The following FBXL7 variants were observed in gnomAD, a reference collection of about 807,000 sequenced individuals.
FBXL7 encodes the protein F-box/LRR-repeat protein 7.
Under a neutral mutation model 38.3 loss-of-function variants are expected in FBXL7, and 12 were observed. The observed-to-expected ratio is 0.31, with a 90% CI of 0.20 to 0.51. The LOEUF (loss-of-function observed/expected upper bound fraction) is 0.51. FBXL7 is among the 20% of genes least tolerant of loss of function. FBXL7 has a pLI of 0.98. For missense variants in FBXL7, 567 were observed against 676.4 expected, an observed-to-expected ratio of 0.84 and a Z score of 1.79; for synonymous variants, 297 against 300.9, an observed-to-expected ratio of 0.99 and a Z score of 0.13.
chr5:15,918,049 G>A (rs1406675808), intron 2 of FBXL7, among the ~76,000 whole-genome samples: 2 of 152,170 alleles, frequency 1.3e-5, no homozygotes, highest in Non-Finnish European at 2.9e-5. Flanking sequence ...AGCCAGCCTG[G>A]CCAACATGGT....
At chr5:15,789,395 G>C (rs577565164) in intron 2 of FBXL7, among the ~76,000 whole-genome samples, 3 of 152,066 alleles carry the variant, frequency 2.0e-5, no homozygotes, top group Admixed American at 6.6e-5. Context: ...GACTATTACC[G>C]TGTCTAACCT....
intron 2 of FBXL7, among the ~76,000 whole-genome samples, chr5:15,818,731 TGTGTGTGTGTGTGA>T (rs1204397805): frequency 0.012 from 1,127 of 91,920 alleles, 14 homozygotes; most frequent in African/African-American, 0.037. Context: ...TGTGTGTGTG[TGTGTGTGTGTGTGA>T]GAGAGAGAGA....
intron 1 of FBXL7, among the ~76,000 whole-genome samples, chr5:15,541,537 ACTC>A (rs1737754154): frequency 1.4e-5 from 1 of 71,192 alleles, no homozygotes; most frequent in African/African-American, 5.7e-5. Flanking sequence ...ATTCCCACTC[ACTC>A]CTCTTTTTTT....
In FBXL7 at chr5:15,664,722, A is replaced by G. The variant is rs150520443; in HGVS notation, c.127+48650A>G. Among the ~76,000 whole-genome samples, 1,255 of 151,888 alleles carry G rather than the reference A, an allele frequency of 8.3e-3. 6 individuals are homozygous for G. Among genetic ancestry groups the G allele is most frequent in the Non-Finnish European group, 0.012 (831 of 67,908 alleles). ...CTTGACCTCATGATCCGCCCACCTCAGCCTCCCAAAGTGCTGGGACTATAG... is the reference window on the plus strand; with the variant it reads ...CTTGACCTCATGATCCGCCCACCTCGGCCTCCCAAAGTGCTGGGACTATAG... On this transcript the variant is annotated intron_variant, in intron 2 of 3. Transcript: ENST00000504595.
intron 2 of FBXL7, among the ~76,000 whole-genome samples, chr5:15,772,395 T>A (rs891039359): frequency 1.3e-5 from 2 of 152,106 alleles, no homozygotes; most frequent in African/African-American, 4.8e-5. Context: ...TCAATAAAAA[T>A]CCTCCTTTCT....
At chr5:15,798,016 A>G (rs1737462002) in intron 2 of FBXL7, among the ~76,000 whole-genome samples, 1 of 152,186 alleles carries the variant, frequency 6.6e-6, no homozygotes, top group South Asian at 2.1e-4. Context: ...TATAGCCCAG[A>G]TGACAGAAGA....
intron 2 of FBXL7, among the ~76,000 whole-genome samples, chr5:15,794,211 A>G (rs559730458): frequency 1.3e-5 from 2 of 152,350 alleles, no homozygotes; most frequent in Admixed American, 1.3e-4. Flanking sequence ...CTTGTACTCC[A>G]GAATGCCTTT....
intron 2 of FBXL7, among the ~76,000 whole-genome samples, chr5:15,698,929 C>T (rs1743433534): frequency 6.6e-6 from 1 of 152,198 alleles, no homozygotes. Context: ...CATTCCCTGC[C>T]TGCCATAGAC....
At chr5:15,591,545 G>C (rs1247938809) in intron 1 of FBXL7, among the ~76,000 whole-genome samples, 2 of 152,136 alleles carry the variant, frequency 1.3e-5, no homozygotes, top group Non-Finnish European at 2.9e-5. Flanking sequence ...TAGGAAGGCT[G>C]AGGGTAAATG....
At chr5:15,550,288 G>A (rs972323605) in intron 1 of FBXL7, among the ~76,000 whole-genome samples, 2 of 152,178 alleles carry the variant, frequency 1.3e-5, no homozygotes, top group Non-Finnish European at 2.9e-5. Flanking sequence ...GAGATAGCTG[G>A]TGGCTGGAAT....
chr5:15,678,936 G>C (rs2126607511), intron 2 of FBXL7, among the ~76,000 whole-genome samples: 1 of 152,266 alleles, frequency 6.6e-6, no homozygotes, highest in Non-Finnish European at 1.5e-5. Flanking sequence ...GAACAAAAGT[G>C]CATTTGAATA....
intron 1 of FBXL7, among the ~76,000 whole-genome samples, chr5:15,560,374 A>G (rs1316651778): frequency 6.6e-6 from 1 of 152,234 alleles, no homozygotes; most frequent in Non-Finnish European, 1.5e-5. Flanking sequence ...GTTAAAAAAT[A>G]CATAAATCAA....
intron 2 of FBXL7, among the ~76,000 whole-genome samples, chr5:15,618,412 C>G (rs1021026485): frequency 6.6e-6 from 1 of 152,056 alleles, no homozygotes; most frequent in Non-Finnish European, 1.5e-5. Context: ...ATCCTTTTTG[C>G]TGTAGTTTTT....
At chr5:15,733,292 C>G (rs181407520) in intron 2 of FBXL7, among the ~76,000 whole-genome samples, 8,031 of 152,134 alleles carry the variant, frequency 0.053, 228 homozygotes, top group East Asian at 0.084. Flanking sequence ...GGGGTTTCAC[C>G]ACCTTGGCCA....
chr5:15,757,729 C>T (rs937235165), intron 2 of FBXL7, among the ~76,000 whole-genome samples: 1 of 151,998 alleles, frequency 6.6e-6, no homozygotes, highest in Non-Finnish European at 1.5e-5. Context: ...TTTCCATGAC[C>T]GTTCTTTTGA....
At chr5:15,603,097 C>T (rs1426024736) in intron 1 of FBXL7, among the ~76,000 whole-genome samples, 1 of 152,194 alleles carries the variant, frequency 6.6e-6, no homozygotes, top group Non-Finnish European at 1.5e-5. Flanking sequence ...GCCTCAGCCT[C>T]CCAAAGTGTT....
At chr5:15,623,054 G>A (rs1406117098) in intron 2 of FBXL7, among the ~76,000 whole-genome samples, 5 of 152,152 alleles carry the variant, frequency 3.3e-5, no homozygotes, top group Admixed American at 6.5e-5. Flanking sequence ...CAGGAGGTTG[G>A]TGCAGTATTG....
chr5:15,931,218 G>A (rs559888273), intron 3 of FBXL7, among the ~76,000 whole-genome samples: 10 of 152,138 alleles, frequency 6.6e-5, no homozygotes, highest in Non-Finnish European at 8.8e-5. Context: ...TTGCAATAAC[G>A]AGAGGAAGTG....
At chr5:15,628,626 T>A (rs1010078406) in intron 2 of FBXL7, among the ~76,000 whole-genome samples, 3 of 152,222 alleles carry the variant, frequency 2.0e-5, no homozygotes, top group Admixed American at 2.0e-4. Context: ...GTCCATAATA[T>A]TCAATGTGAA....
Sources: allele counts gnomAD v4.1 joint callset (sites outside exome capture counted in the v4.1 genomes callset), GRCh38; gene constraint gnomAD v4.1.1; transcripts MANE v1.5; gene names NCBI Gene and HGNC (gene_info 2026-07-23, HGNC 2026-07-21).